Variants in RELB observed in about 807,000 individuals in gnomAD.
RELB encodes transcription factor RelB.
RELB carries 14 observed loss-of-function variants against 55.4 expected under a neutral mutation model. The observed-to-expected ratio is 0.25, with a 90% CI of 0.17 to 0.40. RELB has a LOEUF of 0.40. RELB is among the 10% of genes least tolerant of loss of function. RELB has a pLI of 1.00. For synonymous variants in RELB, 409 were observed against 371.3 expected (o/e 1.10, Z -1.17); for missense variants, 669 against 830.7 (o/e 0.81, Z 2.39).
Position 45,022,198 on chromosome 19 carries a change from GC to G in RELB, c.655del (p.Arg219GlyfsTer12). 1.9e-6 allele frequency: 3 copies of G among 1,602,500 alleles called. No homozygotes were observed. ...AGGGTGCGGCTCCGGCCTCACGTCAGCCCCCGGCACAGGTACCCACCCCCTG... is the reference window on the plus strand; with the variant it reads ...AGGGTGCGGCTCCGGCCTCACGTCAGCCCCGGCACAGGTACCCACCCCCTG... ...ICRVRLRPHV[S>X]PRHSFNNLGI... On this transcript the variant is annotated frameshift_variant, in exon 5 of 12. Transcript: ENST00000221452. LOFTEE classifies it high-confidence loss of function.
Position 45,004,462 on chromosome 19 carries a change from G to T in RELB, c.154+1466G>T, listed in dbSNP as rs570397125. Among the ~76,000 whole-genome samples, 14 of 137,174 alleles carry T rather than the reference G, an allele frequency of 1.0e-4. No homozygotes were observed. The South Asian group carries it at 3.4e-3, about 33-fold the overall frequency. The allele number at this position is 137,174 out of a possible 152,430, so 90.0% of individuals were successfully genotyped here. A position where few individuals can be genotyped will look rare whatever the true frequency, so the allele number is the denominator to read the frequency against. Reference sequence around the variant, plus strand: ...TGGTCTCGAACTCCTGACCTCAAAGGATCCGCCCTCCTCGGCCTCCCAAAG... The same window carrying T: ...TGGTCTCGAACTCCTGACCTCAAAGTATCCGCCCTCCTCGGCCTCCCAAAG... On this transcript the variant is annotated intron_variant, in intron 2 of 11. Coordinates refer to ENST00000221452, the MANE Select transcript of RELB (RefSeq NM_006509.4).
chr19:45,028,837 T>C, intron 7 of RELB, 51 bp from the exon 8 acceptor site: 2 of 1,489,050 alleles, frequency 1.3e-6, no homozygotes, highest in South Asian at 1.2e-5. Context: ...CTTTGGTGAC[T>C]GAATTCTCGG....
Position 45,037,149 on chromosome 19 carries a change from G to A in RELB, c.1355-256G>A, listed in dbSNP as rs186987342. ...TAAGAATTAGCTGGGCATGGCACAT[G>A]CCTGGCCTGTAGTTCCAGCTACTCA... On this transcript the variant is annotated intron_variant, in intron 11 of 11. Coordinates refer to ENST00000221452, the MANE Select transcript of RELB (RefSeq NM_006509.4). Among the ~76,000 whole-genome samples, 3 of 152,188 alleles carry A rather than the reference G, an allele frequency of 2.0e-5. No homozygotes were observed. The East Asian group carries it at 5.8e-4, about 30-fold the overall frequency.
chr19:45,005,014 A>C (rs10423543), intron 2 of RELB, among the ~76,000 whole-genome samples: 14,806 of 150,848 alleles, frequency 0.098, 1,084 homozygotes, highest in African/African-American at 0.2. Context: ...CTAAAAATAC[A>C]AAAAAAATTA....
chr19:45,008,182 AT>A (rs1428864343), intron 2 of RELB, among the ~76,000 whole-genome samples: 4 of 151,658 alleles, frequency 2.6e-5, no homozygotes, highest in African/African-American at 9.7e-5. Context: ...AAAAATAAAA[AT>A]AAATAAAATA....
intron 11 of RELB, among the ~76,000 whole-genome samples, chr19:45,036,195 C>T (rs1175640625): frequency 6.6e-6 from 1 of 152,078 alleles, no homozygotes; most frequent in Non-Finnish European, 1.5e-5. Context: ...GCCTCAGCCT[C>T]CTGAGTAGCT....
chr19:45,025,877 T>C (rs958585509), intron 7 of RELB, 140 bp downstream of exon 7: 26 of 1,101,994 alleles, frequency 2.4e-5, no homozygotes, highest in East Asian at 1.2e-4. Context: ...GGTGGGAGGA[T>C]TGCTTGAGCC....
rs756023844 is a variant in RELB at position 45,037,787 on chromosome 19, G to A, written c.1737G>A (p.Thr579=). ...GGLLSPGPEA[T] is the part of the protein sequence containing the mutation. ...TCCTATCCCCGGGGCCTGAAGCCAC[G>A]TAGCCCCGCGATGCCAGAGGAGGGG... is the stretch of plus-strand genomic sequence containing the variant. Residue 579 remains threonine, a synonymous_variant, in exon 12 of 12, where the codon ACG becomes ACA. Transcript: ENST00000221452. 3 of 1,482,010 alleles carry A rather than the reference G, an allele frequency of 2.0e-6. No individual in the cohort carries two copies. The highest frequency in any genetic ancestry group is 2.8e-5 in the South Asian group (2 of 72,096). 91.8% of individuals were successfully genotyped at this position (1,482,010 alleles called of 1,614,324 possible). A position where few individuals can be genotyped will look rare whatever the true frequency, so the allele number is the denominator to read the frequency against.
At chr19:45,013,653 A>G (rs1200208200) in intron 4 of RELB, among the ~76,000 whole-genome samples, 2 of 151,794 alleles carry the variant, frequency 1.3e-5, no homozygotes, top group African/African-American at 4.8e-5. Context: ...ACCAACATGG[A>G]GAAACCCCAT....
intron 2 of RELB, among the ~76,000 whole-genome samples, chr19:45,005,235 G>A (rs574563139): frequency 1.3e-5 from 2 of 152,254 alleles, no homozygotes; most frequent in South Asian, 4.1e-4. Context: ...AGTAGGTTTG[G>A]GATGAGAAAT....
At position 45,037,548 on chromosome 19, in the gene RELB, A is replaced by G. The variant is rs956998415; in HGVS notation, c.1498A>G (p.Thr500Ala). 6.2e-7 allele frequency: 1 copy of G among 1,612,564 alleles called. No homozygotes were observed. Among genetic ancestry groups the G allele is most frequent in the African/African-American group, 1.3e-5 (1 of 74,828 alleles). ...CGACCCTACGGCCCCCACACTCTTC[A>G]CCATGCTGGACCTGCTGCCCCCGGC... Reference protein sequence around the residue: ...AYDPTAPTLFTMLDLLPPAPP... With the variant: ...AYDPTAPTLFAMLDLLPPAPP... The change falls in exon 12 of 12, where the codon ACC (threonine) becomes GCC (alanine). Residue 500 changes from threonine (T) to alanine (A), a missense_variant. Thr to Ala is a moderately conservative substitution (Grantham distance 58). This residue lies in a region of RELB where 341 missense variants were observed against 436.8 expected (regional missense o/e 0.78). Coordinates refer to ENST00000221452, the MANE Select transcript of RELB (RefSeq NM_006509.4).
chr19:45,025,798 G>A (rs1218193578), intron 7 of RELB, 61 bp downstream of exon 7: 13 of 1,601,962 alleles, frequency 8.1e-6, no homozygotes, highest in South Asian at 4.4e-5. Flanking sequence ...AGAATGTCCC[G>A]CTTACAGAGG....
At chr19:45,010,357 T>A (rs68077521) in intron 3 of RELB, among the ~76,000 whole-genome samples, 2 of 139,592 alleles carry the variant, frequency 1.4e-5, no homozygotes, top group Admixed American at 7.3e-5. Context: ...ATTAATCCCC[T>A]AGTGAGTACA....
chr19:45,019,752 A>G (rs1971460782), intron 4 of RELB, among the ~76,000 whole-genome samples: 1 of 151,990 alleles, frequency 6.6e-6, no homozygotes, highest in Admixed American at 6.6e-5. Flanking sequence ...ATCTGGGCCC[A>G]CCGCAACCTC....
chr19:45,022,540 A>G (rs936441391), intron 5 of RELB, among the ~76,000 whole-genome samples: 1 of 139,216 alleles, frequency 7.2e-6, no homozygotes, highest in Non-Finnish European at 1.5e-5. Context: ...CTTACTTTAC[A>G]ATTCATCTTT....
chr19:45,004,368 A>G (rs1420587753), intron 2 of RELB, among the ~76,000 whole-genome samples: 1 of 150,582 alleles, frequency 6.6e-6, no homozygotes, highest in Non-Finnish European at 1.5e-5. Context: ...GATTACAGTC[A>G]TGTGCCACCA....
At chr19:45,012,699 T>C (rs951667137) in intron 4 of RELB, among the ~76,000 whole-genome samples, 1 of 149,536 alleles carries the variant, frequency 6.7e-6, no homozygotes, top group Non-Finnish European at 1.5e-5. Flanking sequence ...ATTGCACCAT[T>C]GCATAGCAGT....
At chr19:45,033,906 A>G (rs1011752237) in intron 9 of RELB, among the ~76,000 whole-genome samples, 9 of 151,398 alleles carry the variant, frequency 5.9e-5, no homozygotes, top group African/African-American at 2.2e-4. Flanking sequence ...TGTAATCCCA[A>G]CACTTCGGGA....
rs762625597 is a variant in RELB at position 45,037,634 on chromosome 19, C to A, written c.1584C>A (p.Thr528=). 2 of 1,600,844 alleles carry A rather than the reference C, an allele frequency of 1.2e-6. No homozygotes were observed. The highest frequency in any genetic ancestry group is 2.7e-5 in the African/African-American group (2 of 74,228). Residue 528 remains threonine (T), a synonymous_variant, in exon 12 of 12, where the codon ACC becomes ACA. Transcript: ENST00000221452. ...GTGCCGGGGCCGTGGTTGGGGAGACCCCCGGCCCTGAACCACTGACACTGG... is the reference window on the plus strand; with the variant it reads ...GTGCCGGGGCCGTGGTTGGGGAGACACCCGGCCCTGAACCACTGACACTGG... The part of the protein sequence containing the change: ...SGGAGAVVGE[T]PGPEPLTLDS...
Sources: allele counts gnomAD v4.1 joint callset (sites outside exome capture counted in the v4.1 genomes callset), GRCh38; gene constraint gnomAD v4.1.1; regional missense constraint gnomAD v4.1.1; transcripts MANE v1.5; gene names NCBI Gene and HGNC (gene_info 2026-07-23, HGNC 2026-07-21).